Variants in EFEMP1 observed in about 807,000 individuals in gnomAD.
The protein encoded by EFEMP1 is EGF-like fibulin extracellular matrix protein 1, also known as EGF-containing fibulin-like extracellular matrix protein 1.
EFEMP1 carries 18 observed loss-of-function variants against 65.7 expected under a neutral mutation model. That is an observed-to-expected ratio of 0.27 (90% CI 0.19 to 0.41). The LOEUF (loss-of-function observed/expected upper bound fraction) is 0.41, where lower values mean the gene tolerates loss of function less well. Among genes scored for constraint, EFEMP1 ranks in the 10% least tolerant of loss-of-function variants. The pLI, the probability that EFEMP1 is intolerant of heterozygous loss-of-function variation, is 1.00. For synonymous variants in EFEMP1, 237 were observed against 219.7 expected (o/e 1.08, Z -0.70); for missense variants, 469 against 624.8 (o/e 0.75, Z 2.66).
intron 5 of EFEMP1, among the ~76,000 whole-genome samples, chr2:55,906,710 A>G (rs1209475952): frequency 6.6e-6 from 1 of 152,204 alleles, no homozygotes; most frequent in Non-Finnish European, 1.5e-5. Context: ...GTGGAGTTCT[A>G]TTTCAGACTA....
chr2:55,869,841 G>A (rs1014445585), intron 11 of EFEMP1, among the ~76,000 whole-genome samples: 4 of 152,040 alleles, frequency 2.6e-5, no homozygotes, highest in Admixed American at 1.3e-4. Context: ...GTGGTGAGCC[G>A]TATTTAAAAT....
chr2:55,911,631 C>T (rs907751016), intron 5 of EFEMP1, among the ~76,000 whole-genome samples: 2 of 152,032 alleles, frequency 1.3e-5, no homozygotes, highest in African/African-American at 4.8e-5. Flanking sequence ...GGGGTGGGAC[C>T]TGGGAAATTT....
chr2:55,868,332 G>T (rs1225732003), intron 11 of EFEMP1, among the ~76,000 whole-genome samples: 2 of 152,146 alleles, frequency 1.3e-5, no homozygotes, highest in South Asian at 4.1e-4. Flanking sequence ...ACCGACAGGT[G>T]TAGTCTCTGC....
At chr2:55,890,073 A>G (rs916408630) in intron 5 of EFEMP1, among the ~76,000 whole-genome samples, 1 of 152,000 alleles carries the variant, frequency 6.6e-6, no homozygotes, top group African/African-American at 2.4e-5. Context: ...ACCCAAATAT[A>G]CTGTTTCAAG....
intron 5 of EFEMP1, among the ~76,000 whole-genome samples, chr2:55,900,662 T>A (rs2104424249): frequency 1.2e-5 from 1 of 84,452 alleles, no homozygotes; most frequent in Non-Finnish European, 2.1e-5. Flanking sequence ...TAGCCTTTTC[T>A]CTATTTTTCT....
In EFEMP1 at chr2:55,919,711, T is replaced by C. The variant is rs1054890434; in HGVS notation, c.82-1444A>G. On this transcript the variant is annotated intron_variant, in intron 3 of 11. Coordinates refer to ENST00000355426, the MANE Select transcript of EFEMP1 (RefSeq NM_001039348.3). This position sits in a 1 kb window ranked among gnomAD's most constrained non-coding sequence, Gnocchi z 4.5. ...GGAAGCCCAGAGATCCATTTAGATA[T>C]TTTACTGATGTCTGAAACTTACTGG... Among the ~76,000 whole-genome samples the C allele has an allele frequency of 9.9e-5, 15 of 152,206 alleles. No homozygotes were observed. The highest frequency in any genetic ancestry group is 1.3e-4 in the Non-Finnish European group (9 of 68,020).
chr2:55,903,366 A>G (rs189642752), intron 5 of EFEMP1, among the ~76,000 whole-genome samples: 1 of 152,250 alleles, frequency 6.6e-6, no homozygotes, highest in Non-Finnish European at 1.5e-5. Flanking sequence ...TATCCAGATT[A>G]TACCCCATTT....
chr2:55,883,676 C>A lies in EFEMP1; in HGVS notation c.518-1942G>T, dbSNP rs189613400. Reference sequence around the variant, plus strand: ...ATCTATCTGCAAACTGCCTCCACCCCGCTGCATTCCTACAACTGATGCCCT... The same window carrying A: ...ATCTATCTGCAAACTGCCTCCACCCAGCTGCATTCCTACAACTGATGCCCT... On this transcript the variant is annotated intron_variant, in intron 5 of 11. Coordinates refer to ENST00000355426, the MANE Select transcript of EFEMP1 (RefSeq NM_001039348.3). This position sits in a 1 kb window ranked among gnomAD's most constrained non-coding sequence, Gnocchi z 4.5. Among the ~76,000 whole-genome samples the A allele has an allele frequency of 6.6e-6, 1 of 152,138 alleles. No homozygotes were observed.
chr2:55,918,358 G>A, intron 3 of EFEMP1, 91 bp from the exon 4 acceptor site: 1 of 1,428,994 alleles, frequency 7.0e-7, no homozygotes, highest in Non-Finnish European at 9.9e-7. Context: ...CATTCTTATG[G>A]CAACAATCCT....
intron 6 of EFEMP1, among the ~76,000 whole-genome samples, chr2:55,880,749 G>T (rs1669208326): frequency 1.3e-5 from 2 of 152,186 alleles, no homozygotes; most frequent in Admixed American, 6.5e-5. Flanking sequence ...CCTAGTGCTG[G>T]GCCTCATGAT....
Position 55,922,532 on chromosome 2 carries a change from A to T in EFEMP1, c.-7-85T>A. 7.9e-7 allele frequency: 1 copy of T among 1,263,420 alleles called. No individual in the cohort carries two copies. The highest frequency in any genetic ancestry group is 1.2e-5 in the South Asian group (1 of 83,500). 78.3% of individuals were successfully genotyped at this position (1,263,420 alleles called of 1,614,324 possible). ...CTTTAGCAGTGAGCACAAGCGAGGA[A>T]AGGAGGGTGGGAGAGGCTGAGGCTC... On this transcript the variant is annotated intron_variant, in intron 2 of 11. Coordinates refer to ENST00000355426, the MANE Select transcript of EFEMP1 (RefSeq NM_001039348.3). This position sits in a 1 kb window ranked among gnomAD's most constrained non-coding sequence, Gnocchi z 5.5.
At chr2:55,900,520 C>G (rs2104423974) in intron 5 of EFEMP1, among the ~76,000 whole-genome samples, 1 of 152,336 alleles carries the variant, frequency 6.6e-6, no homozygotes, top group East Asian at 1.9e-4. Flanking sequence ...AGAAAATGTA[C>G]TGTGCTCCAT....
Position 55,871,732 on chromosome 2 carries a change from G to T in EFEMP1, c.1001-609C>A, listed in dbSNP as rs1668818740. ...TTCAGGAACTTGGGAGAAAGGTAAA[G>T]GCTAGAAATCTGGTTTCAGTAAGCT... On this transcript the variant is annotated intron_variant, in intron 9 of 11. Transcript: ENST00000355426. This position sits in a 1 kb window ranked among gnomAD's most constrained non-coding sequence, Gnocchi z 4.2. Among the ~76,000 whole-genome samples the T allele has an allele frequency of 6.6e-6, 1 of 152,084 alleles. No individual in the cohort carries two copies. The highest frequency in any genetic ancestry group is 1.5e-5 in the Non-Finnish European group (1 of 67,998).
At chr2:55,872,534 G>A (rs1668851016) in intron 9 of EFEMP1, among the ~76,000 whole-genome samples, 1 of 152,160 alleles carries the variant, frequency 6.6e-6, no homozygotes. Context: ...TGTGGAGGTA[G>A]GTGAGAAAGA....
chr2:55,868,789 C>G (rs1325167339), intron 11 of EFEMP1, among the ~76,000 whole-genome samples: 1 of 152,042 alleles, frequency 6.6e-6, no homozygotes, highest in East Asian at 1.9e-4. Context: ...CTTTTAATTC[C>G]TCATGACACC....
At chr2:55,920,280 C>T (rs1670867809) in intron 3 of EFEMP1, among the ~76,000 whole-genome samples, 1 of 152,230 alleles carries the variant, frequency 6.6e-6, no homozygotes, top group Non-Finnish European at 1.5e-5. Flanking sequence ...CATTAATCAC[C>T]TCCTTGCTTT....
In EFEMP1 at chr2:55,870,721, C is replaced by G; in HGVS notation, c.1319G>C (p.Arg440Pro). 6.2e-7 allele frequency: 1 copy of G among 1,613,484 alleles called. No individual in the cohort carries two copies. The highest frequency in any genetic ancestry group is 8.5e-7 in the Non-Finnish European group (1 of 1,179,622). The change falls in exon 11 of 12, where the codon CGA (arginine) becomes CCA (proline). Residue 440 changes from arginine to proline, a missense_variant and splice_region_variant. Transcript: ENST00000355426. The surrounding 1 kb of genome is among the most constrained non-coding windows in gnomAD (Gnocchi z 5.8). ...TAAGGCTGCCTTCAGGATACTTACT[C>G]GTAGGTAGAACTCTCCATTTTCATT... ...SGNENGEFYL[R>P]QTSPVSAMLV...
At chr2:55,907,367 C>CA (rs1407983948) in intron 5 of EFEMP1, among the ~76,000 whole-genome samples, 2 of 152,170 alleles carry the variant, frequency 1.3e-5, no homozygotes, top group Non-Finnish European at 2.9e-5. Flanking sequence ...CCTACGTAGG[C>CA]AGGTTTCTAA....
At chr2:55,908,197 T>A (rs1670352994) in intron 5 of EFEMP1, among the ~76,000 whole-genome samples, 1 of 152,222 alleles carries the variant, frequency 6.6e-6, no homozygotes, top group Non-Finnish European at 1.5e-5. Context: ...TTGAGAAGGA[T>A]AATTTCTAGC....
Sources: allele counts gnomAD v4.1 joint callset (sites outside exome capture counted in the v4.1 genomes callset), GRCh38; gene constraint gnomAD v4.1.1; non-coding constraint Gnocchi (gnomAD v3.1); transcripts MANE v1.5; gene names NCBI Gene and HGNC (gene_info 2026-07-23, HGNC 2026-07-21).